The following EPHB1 variants were observed in gnomAD, a reference collection of about 807,000 sequenced individuals.
EPHB1 encodes the protein EPH receptor B1.
EPHB1 carries 30 observed loss-of-function variants against 94.4 expected under a neutral mutation model. The ratio of observed to expected loss-of-function variants is 0.32; its 90% confidence interval spans 0.24 to 0.43. The LOEUF is 0.43. EPHB1 is among the 20% of genes least tolerant of loss of function. The pLI, the probability that EPHB1 is intolerant of heterozygous loss-of-function variation, is 1.00. For missense variants in EPHB1, 1,055 were observed against 1,308.3 expected (o/e 0.81, Z 2.99); for synonymous variants, 522 against 489.1 (o/e 1.07, Z -0.89).
At chr3:134,967,727 A>C (rs191590348) in intron 3 of EPHB1, among the ~76,000 whole-genome samples, 1 of 152,352 alleles carries the variant, frequency 6.6e-6, no homozygotes, top group Admixed American at 6.5e-5. Context: ...TTAATTACCT[A>C]GTCTCAGGTT....
At chr3:134,985,396 G>T (rs1934562457) in intron 3 of EPHB1, among the ~76,000 whole-genome samples, 1 of 152,184 alleles carries the variant, frequency 6.6e-6, no homozygotes, top group South Asian at 2.1e-4. Context: ...GACCTCGAGT[G>T]ATCTGCCCAC....
chr3:134,864,030 C>T (rs1204754205), intron 1 of EPHB1, among the ~76,000 whole-genome samples: 1 of 152,186 alleles, frequency 6.6e-6, no homozygotes, highest in African/African-American at 2.4e-5. Flanking sequence ...ATGGCTGTCT[C>T]ATTGGAAAAA....
chr3:134,993,713 G>A (rs1934896619), intron 3 of EPHB1, among the ~76,000 whole-genome samples: 2 of 152,118 alleles, frequency 1.3e-5, no homozygotes, highest in South Asian at 2.1e-4. Context: ...CCTCCTTTTT[G>A]GAAAAGATTT....
chr3:134,946,529 T>C (rs1478769838), intron 2 of EPHB1, among the ~76,000 whole-genome samples: 1 of 152,178 alleles, frequency 6.6e-6, no homozygotes, highest in Admixed American at 6.5e-5. Flanking sequence ...TACTTCTATC[T>C]ACCTGTCCCC....
At position 135,185,613 on chromosome 3, in the gene EPHB1, G is replaced by A. The variant is rs997009018; in HGVS notation, c.1882+5631G>A. Among the ~76,000 whole-genome samples the A allele has an allele frequency of 5.9e-5, 9 of 152,340 alleles. No individual in the cohort carries two copies. In the East Asian group the frequency reaches 1.5e-3, roughly 26 times the overall value. On this transcript the variant is annotated intron_variant, in intron 10 of 15. Coordinates refer to ENST00000398015, the MANE Select transcript of EPHB1 (RefSeq NM_004441.5). ...ACATTCAGAGGATAGCTTGCCGAAG[G>A]CTGTGCTGCCAGTTAAGTTTATGAT... is the stretch of plus-strand genomic sequence containing the variant.
intron 2 of EPHB1, among the ~76,000 whole-genome samples, chr3:134,950,989 A>G (rs186913919): frequency 6.6e-6 from 1 of 152,276 alleles, no homozygotes; most frequent in African/African-American, 2.4e-5. Flanking sequence ...TGGACCCCCA[A>G]TCCACAGATT....
At chr3:134,835,684 T>C (rs2036661042) in intron 1 of EPHB1, among the ~76,000 whole-genome samples, 1 of 152,148 alleles carries the variant, frequency 6.6e-6, no homozygotes, top group South Asian at 2.1e-4. Context: ...ACATTGGAGT[T>C]GGCAGTGAGA....
At chr3:134,816,505 G>A (rs547750074) in intron 1 of EPHB1, among the ~76,000 whole-genome samples, 3 of 152,172 alleles carry the variant, frequency 2.0e-5, no homozygotes, top group African/African-American at 4.8e-5. Context: ...CTGTGTGTTC[G>A]TCCCGTAAGT....
intron 1 of EPHB1, among the ~76,000 whole-genome samples, chr3:134,865,310 C>T (rs894187023): frequency 3.3e-5 from 5 of 152,112 alleles, no homozygotes; most frequent in African/African-American, 9.7e-5. Context: ...TGAGCCACAA[C>T]CTGCATATTG....
chr3:135,036,313 G>C (rs1395563879), intron 3 of EPHB1, among the ~76,000 whole-genome samples: 1 of 152,216 alleles, frequency 6.6e-6, no homozygotes, highest in Non-Finnish European at 1.5e-5. Context: ...AGCAGCTGGG[G>C]GTTGCTTGAA....
At chr3:135,164,806 CAAAAAAAAAAA>C (rs59870139) in intron 7 of EPHB1, among the ~76,000 whole-genome samples, 5 of 86,408 alleles carry the variant, frequency 5.8e-5, no homozygotes, top group African/African-American at 9.4e-5. Flanking sequence ...AAGACTGTCT[CAAAAAAAAAAA>C]AAAAAAAAAA....
intron 3 of EPHB1, among the ~76,000 whole-genome samples, chr3:135,022,973 G>A (rs567548710): frequency 1.3e-5 from 2 of 152,298 alleles, no homozygotes; most frequent in South Asian, 2.1e-4. Context: ...TGTTGGTCAA[G>A]TAGAAAATGT....
At chr3:135,065,786 A>G (rs954661617) in intron 3 of EPHB1, among the ~76,000 whole-genome samples, 3 of 152,052 alleles carry the variant, frequency 2.0e-5, no homozygotes, top group African/African-American at 7.2e-5. Flanking sequence ...CTTTTGTTTT[A>G]TAGGTTCTGT....
chr3:135,049,228 A>C (rs972047265), intron 3 of EPHB1, among the ~76,000 whole-genome samples: 10 of 152,226 alleles, frequency 6.6e-5, no homozygotes, highest in Non-Finnish European at 1.2e-4. Context: ...TCTTTAAGCC[A>C]CTTAATGTGT....
chr3:134,855,665 A>ATT (rs11400825), intron 1 of EPHB1, among the ~76,000 whole-genome samples: 2 of 151,942 alleles, frequency 1.3e-5, no homozygotes, highest in East Asian at 3.9e-4. Context: ...CTTCTGATAC[A>ATT]TTTTTTCAGT....
intron 12 of EPHB1, among the ~76,000 whole-genome samples, chr3:135,240,099 G>T (rs1027425811): frequency 1.3e-5 from 2 of 152,112 alleles, no homozygotes; most frequent in Admixed American, 1.3e-4. Flanking sequence ...CTGTGTTGGG[G>T]AGTCTCCTCT....
chr3:134,797,604 C>T (rs2035854433), intron 1 of EPHB1, among the ~76,000 whole-genome samples: 1 of 152,202 alleles, frequency 6.6e-6, no homozygotes, highest in Admixed American at 6.5e-5. Context: ...GGAAACACAG[C>T]AGGCATGAGG....
chr3:134,928,305 A>C (rs1232850499), intron 2 of EPHB1, among the ~76,000 whole-genome samples: 1 of 152,212 alleles, frequency 6.6e-6, no homozygotes, highest in Non-Finnish European at 1.5e-5. Context: ...ACCCCATCAC[A>C]GGTCTTCTCA....
chr3:135,227,082 G>C (rs1943420816), intron 12 of EPHB1, among the ~76,000 whole-genome samples: 1 of 151,642 alleles, frequency 6.6e-6, no homozygotes, highest in Admixed American at 6.6e-5. Flanking sequence ...TCACTATTTG[G>C]GTCCAATATA....
Sources: allele counts gnomAD v4.1 joint callset (sites outside exome capture counted in the v4.1 genomes callset), GRCh38; gene constraint gnomAD v4.1.1; transcripts MANE v1.5; gene names NCBI Gene and HGNC (gene_info 2026-07-23, HGNC 2026-07-21).